FTO: variants seen among roughly 807,000 people sequenced by gnomAD.
FTO encodes the protein alpha-ketoglutarate-dependent dioxygenase FTO.
In FTO, 47 loss-of-function variants were observed where a neutral mutation model predicts 63.9. The observed-to-expected ratio is 0.74, with a 90% CI of 0.58 to 0.94. FTO has a LOEUF of 0.94. Among genes scored for constraint, FTO ranks in the 40% least tolerant of loss-of-function variants. The pLI, the probability that FTO is intolerant of heterozygous loss-of-function variation, is 0.00. For missense variants in FTO, 562 were observed against 618.1 expected (o/e 0.91, Z 0.96); for synonymous variants, 207 against 224.4 (o/e 0.92, Z 0.69).
chr16:53,932,773 TC>T (rs1405991532), intron 7 of FTO, among the ~76,000 whole-genome samples: 1 of 152,178 alleles, frequency 6.6e-6, no homozygotes, highest in African/African-American at 2.4e-5. Context: ...TGATCTGGCC[TC>T]GGAAAGTTCT....
At position 53,879,917 on chromosome 16, in the gene FTO, A is replaced by T. The variant is rs377073096; in HGVS notation, c.1049A>T (p.Asp350Val). The change falls in exon 6 of 9, where the codon GAC becomes GTC. Residue 350 changes from aspartate to valine, a missense_variant. By Grantham distance (152) the Asp-to-Val change is radical. Coordinates refer to ENST00000471389, the MANE Select transcript of FTO (RefSeq NM_001080432.3). ...LALQNVCDDV[D>V]NDDVSLKSFE... ...CTGCAGAATGTCTGTGACGATGTGG[A>T]CAATGATGATGTCTCTTTGAAATCC... is the stretch of plus-strand genomic sequence containing the variant. The T allele has an allele frequency of 6.2e-7, 1 of 1,613,968 alleles. No individual in the cohort carries two copies. The highest frequency in any genetic ancestry group is 1.3e-5 in the African/African-American group (1 of 75,018).
chr16:53,950,326 A>G (rs1344667945), intron 8 of FTO, among the ~76,000 whole-genome samples: 1 of 152,100 alleles, frequency 6.6e-6, no homozygotes, highest in Non-Finnish European at 1.5e-5. Flanking sequence ...TGAGAAATTT[A>G]AATACTTTGT....
At chr16:53,756,123 A>C (rs2076918418) in intron 1 of FTO, among the ~76,000 whole-genome samples, 1 of 152,226 alleles carries the variant, frequency 6.6e-6, no homozygotes, top group Admixed American at 6.5e-5. Flanking sequence ...AACAACCTAC[A>C]AAAAGATCAT....
At chr16:54,106,808 T>G (rs2086764480) in intron 8 of FTO, among the ~76,000 whole-genome samples, 1 of 136,370 alleles carries the variant, frequency 7.3e-6, no homozygotes, top group African/African-American at 2.7e-5. Context: ...TAATTACATA[T>G]TATATATACT....
intron 8 of FTO, among the ~76,000 whole-genome samples, chr16:54,012,513 G>A (rs1355143702): frequency 6.6e-6 from 1 of 152,180 alleles, no homozygotes; most frequent in Non-Finnish European, 1.5e-5. Context: ...GCACCAAACA[G>A]CAGATTTTCA....
At position 54,099,946 on chromosome 16, in the gene FTO, C is replaced by G. The variant is rs1303552260; in HGVS notation, c.1365-11816C>G. ...TTAGTTCTTTCTGGACCCAAAGACA[C>G]GTATGTCTCCCCCACCGCAACCCAC... On this transcript the variant is annotated intron_variant, in intron 8 of 8. Coordinates refer to ENST00000471389, the MANE Select transcript of FTO (RefSeq NM_001080432.3). Among the ~76,000 whole-genome samples, 15 of 152,110 alleles carry G rather than the reference C, an allele frequency of 9.9e-5. No individual in the cohort carries two copies. In the East Asian group the frequency reaches 2.7e-3, roughly 27 times the overall value.
At chr16:53,774,266 T>A (rs1479163082) in intron 1 of FTO, among the ~76,000 whole-genome samples, 1 of 152,178 alleles carries the variant, frequency 6.6e-6, no homozygotes, top group Non-Finnish European at 1.5e-5. Flanking sequence ...TACGCACCCT[T>A]GTGTGTCTCC....
rs79605554 is a variant in FTO at position 53,929,178 on chromosome 16, C to A, written c.1240-4807C>A. Reference sequence around the variant, plus strand: ...CTGTATAAACTCACGTAACCACCACCACAATCAAGGTACAGAATGGTTCCA... The same window carrying A: ...CTGTATAAACTCACGTAACCACCACAACAATCAAGGTACAGAATGGTTCCA... On this transcript the variant is annotated intron_variant, in intron 7 of 8. Transcript: ENST00000471389. Among the ~76,000 whole-genome samples the A allele has an allele frequency of 9.6e-3, 1,467 of 152,260 alleles. 14 individuals carry two copies. The highest frequency in any genetic ancestry group is 0.016 in the Non-Finnish European group (1,071 of 68,030).
intron 8 of FTO, among the ~76,000 whole-genome samples, chr16:54,109,212 A>G (rs2086822026): frequency 6.6e-6 from 1 of 152,222 alleles, no homozygotes; most frequent in South Asian, 2.1e-4. Context: ...GAAGGCTCTG[A>G]AGAAACCCAA....
chr16:53,958,542 A>T (rs900733070), intron 8 of FTO, among the ~76,000 whole-genome samples: 5 of 152,200 alleles, frequency 3.3e-5, no homozygotes, highest in Non-Finnish European at 5.9e-5. Context: ...GAGCGAGATT[A>T]AGCTTACTAA....
intron 8 of FTO, among the ~76,000 whole-genome samples, chr16:53,941,336 C>T (rs1168474765): frequency 6.6e-6 from 1 of 152,162 alleles, no homozygotes; most frequent in East Asian, 1.9e-4. Context: ...CTAGCACACA[C>T]CCTTTAACTC....
At chr16:53,755,471 G>C (rs1245788287) in intron 1 of FTO, among the ~76,000 whole-genome samples, 1 of 152,160 alleles carries the variant, frequency 6.6e-6, no homozygotes, top group Non-Finnish European at 1.5e-5. Flanking sequence ...ACACTCTGTT[G>C]TCAAGTCCAT....
chr16:54,031,062 T>C (rs1166792660), intron 8 of FTO, among the ~76,000 whole-genome samples: 1 of 152,198 alleles, frequency 6.6e-6, no homozygotes, highest in Non-Finnish European at 1.5e-5. Context: ...GAATTGAAAG[T>C]GTAAAATGTG....
intron 3 of FTO, among the ~76,000 whole-genome samples, chr16:53,834,108 TCCACCTCCCAGGTTCA>T (rs1403586899): frequency 1.3e-5 from 2 of 152,072 alleles, no homozygotes; most frequent in Non-Finnish European, 2.9e-5. Context: ...CCCTGCAAGC[TCCACCTCCCAGGTTCA>T]CGCCATTCTC....
chr16:54,100,330 T>C (rs531792637), intron 8 of FTO, among the ~76,000 whole-genome samples: 3 of 152,270 alleles, frequency 2.0e-5, no homozygotes, highest in African/African-American at 7.2e-5. Context: ...ATCCTAGCAC[T>C]CATCTTTATT....
At chr16:53,950,181 T>TAAAAAAAAAAAAAAAAAAAAAAA (rs1555497372) in intron 8 of FTO, among the ~76,000 whole-genome samples, 5 of 48,062 alleles carry the variant, frequency 1.0e-4, no homozygotes, top group Non-Finnish European at 2.4e-4. Context: ...AAAAAAAAAC[T>TAAAAAAAAAAAAAAAAAAAAAAA]TAATCCATGC....
At chr16:53,752,376 T>C (rs939304151) in intron 1 of FTO, among the ~76,000 whole-genome samples, 9 of 152,176 alleles carry the variant, frequency 5.9e-5, no homozygotes, top group African/African-American at 2.2e-4. Context: ...ATGGAAGCAT[T>C]ATTCATAATT....
chr16:53,833,339 C>T lies in FTO; in HGVS notation c.751+6848C>T, dbSNP rs1230708708. ...ACAACTATTTTACTTAACATAGTGT[C>T]CTCAAGATTCATCCATGTTATGGCA... On this transcript the variant is annotated intron_variant, in intron 3 of 8. Transcript: ENST00000471389. 2.0e-5 allele frequency among the ~76,000 whole-genome samples: 3 copies of T among 152,304 alleles called. No individual in the cohort carries two copies. The East Asian group carries it at 5.8e-4, about 29-fold the overall frequency.
intron 8 of FTO, among the ~76,000 whole-genome samples, chr16:53,950,232 T>TA (rs552173714): frequency 6.9e-6 from 1 of 144,814 alleles, no homozygotes; most frequent in Non-Finnish European, 1.5e-5. Context: ...AATTATGAGG[T>TA]AAAAAAACAG....
Sources: allele counts gnomAD v4.1 joint callset (sites outside exome capture counted in the v4.1 genomes callset), GRCh38; gene constraint gnomAD v4.1.1; transcripts MANE v1.5; gene names NCBI Gene and HGNC (gene_info 2026-07-23, HGNC 2026-07-21).